The following SEC24C variants were observed in gnomAD, a reference collection of about 807,000 sequenced individuals.
The protein encoded by SEC24C is SEC24 homolog C, COPII component.
Under a neutral mutation model 117.0 loss-of-function variants are expected in SEC24C, and 22 were observed. The ratio of observed to expected loss-of-function variants is 0.19; its 90% CI spans 0.13 to 0.27. SEC24C has a LOEUF of 0.27. SEC24C is among the 10% of genes least tolerant of loss of function. SEC24C has a pLI of 1.00. For synonymous variants in SEC24C, 506 were observed against 529.4 expected (o/e 0.96, Z 0.61); for missense variants, 1,155 against 1,375.1 (o/e 0.84, Z 2.53).
Position 73,767,122 on chromosome 10 carries a change from A to ACTGAAGAACAGAGATGACAGGAAG in SEC24C, c.1967_1990dup (p.Lys656_Leu663dup). 6.2e-7 allele frequency: 1 copy of ACTGAAGAACAGAGATGACAGGAAG among 1,614,064 alleles called. No homozygotes were observed. The highest frequency in any genetic ancestry group is 8.5e-7 in the Non-Finnish European group (1 of 1,179,974). Reference sequence around the variant, plus strand: ...TGCCCATTGCAGAGGCCCCAGGGAAACTGAAGAACAGAGATGACAGGAAGC... The same window carrying ACTGAAGAACAGAGATGACAGGAAG: ...TGCCCATTGCAGAGGCCCCAGGGAAACTGAAGAACAGAGATGACAGGAAGCTGAAGAACAGAGATGACAGGAAGC... On this transcript the variant is annotated inframe_insertion, in exon 14 of 23. Transcript: ENST00000345254.
Position 73,770,394 on chromosome 10 carries a change from G to C in SEC24C, c.2977G>C (p.Val993Leu), listed in dbSNP as rs762019151. The C allele has an allele frequency of 6.2e-7, 1 of 1,614,020 alleles. No homozygotes were observed. The highest frequency in any genetic ancestry group is 8.5e-7 in the Non-Finnish European group (1 of 1,179,982). ...GAATGGGCTCAACCTCTTCCTCTGGGTGGGAGCAAGCGTCCAACAGGGTGT... is the reference window on the plus strand; with the variant it reads ...GAATGGGCTCAACCTCTTCCTCTGGCTGGGAGCAAGCGTCCAACAGGGTGT... ...LENGLNLFLW[V>L]GASVQQGVVQ... Residue 993 changes from valine to leucine, a missense_variant, in exon 21 of 23, where the codon GTG (valine) becomes CTG (leucine). Val to Leu is a conservative substitution (Grantham distance 32, BLOSUM62 1). Around this residue, in one of 2 missense-constraint regions of SEC24C, gnomAD observed 759 missense variants for 992.3 expected, o/e 0.76. Transcript: ENST00000345254.
rs1275103867 is a variant in SEC24C at position 73,769,984 on chromosome 10, A to G, written c.2831A>G (p.Asn944Ser). 2 of 1,614,136 alleles carry G rather than the reference A, an allele frequency of 1.2e-6. No individual in the cohort carries two copies. The highest frequency in any genetic ancestry group is 1.7e-6 in the Non-Finnish European group (2 of 1,180,028). ...LVTSMDVTETNVFFYPRLLPL... is the reference protein window; with the variant it reads ...LVTSMDVTETSVFFYPRLLPL... The stretch of plus-strand genomic sequence containing the variant: ...ACCTCCATGGATGTGACTGAGACCA[A>G]TGTCTTCTTCTACCCTCGGCTCTTA... Residue 944 changes from asparagine (N) to serine (S), a missense_variant, in exon 20 of 23, where the codon AAT becomes AGT. Physicochemically the swap from Asn to Ser is conservative, Grantham distance 46 (BLOSUM62 1). This residue lies in a region of SEC24C where 759 missense variants were observed against 992.3 expected (regional missense o/e 0.76). Transcript: ENST00000345254. This position sits in a 1 kb window ranked among gnomAD's most constrained non-coding sequence, Gnocchi z 4.5.
chr10:73,757,791 G>T (rs1052726328), intron 3 of SEC24C, among the ~76,000 whole-genome samples: 1 of 151,286 alleles, frequency 6.6e-6, no homozygotes, highest in Non-Finnish European at 1.5e-5. Context: ...GTGTGCCTGT[G>T]GTCTCAGATA....
chr10:73,757,720 G>T (rs781520856), intron 3 of SEC24C, among the ~76,000 whole-genome samples: 12 of 68,172 alleles, frequency 1.8e-4, no homozygotes, highest in Non-Finnish European at 3.9e-4. Context: ...AGACTATCCT[G>T]GGCAGCATAG....
At position 73,766,332 on chromosome 10, in the gene SEC24C, C is replaced by A. The variant is rs1018755544; in HGVS notation, c.1608-18C>A. 1 of 1,590,372 alleles carries A rather than the reference C, an allele frequency of 6.3e-7. No individual in the cohort carries two copies. The highest frequency in any genetic ancestry group is 8.6e-7 in the Non-Finnish European group (1 of 1,165,996). On this transcript the variant is annotated intron_variant, in intron 11 of 22. Transcript: ENST00000345254. ...TGGAAAAGGTGGCAAGTCTAGGTAA[C>A]AATGTCACCTTCTACAGGGAGGGTG...
At chr10:73,748,192 G>A (rs1372492488) in intron 2 of SEC24C, among the ~76,000 whole-genome samples, 2 of 151,016 alleles carry the variant, frequency 1.3e-5, no homozygotes, top group East Asian at 2.0e-4. Context: ...CTGGAGTGCA[G>A]TGGCACAATC....
At chr10:73,750,450 A>C (rs1340861253) in intron 2 of SEC24C, among the ~76,000 whole-genome samples, 1 of 152,314 alleles carries the variant, frequency 6.6e-6, no homozygotes, top group Non-Finnish European at 1.5e-5. Context: ...GGAAGGATGG[A>C]GTACAGCTTT....
intron 9 of SEC24C, 65 bp downstream of exon 9, chr10:73,765,654 A>T: frequency 1.3e-6 from 2 of 1,593,028 alleles, no homozygotes; most frequent in Non-Finnish European, 1.7e-6. Context: ...TCTCTATTAA[A>T]TAGTTAGAGA....
chr10:73,763,195 G>A (rs1167697665), intron 6 of SEC24C, among the ~76,000 whole-genome samples: 1 of 152,096 alleles, frequency 6.6e-6, no homozygotes, highest in Non-Finnish European at 1.5e-5. Flanking sequence ...GGAATGGGAG[G>A]AATGAGAGGG....
rs2082511187 is a variant in SEC24C, at chr10:73,744,416, T to C, written c.-50T>C. On this transcript the variant is annotated 5_prime_UTR_variant, in exon 1 of 23. Transcript: ENST00000345254. ...GGGAGCCTTGACGTTAGGAACGAAG[T>C]CTAACCTGGATCTGGAGCCGGGTGA... 1 of 152,748 alleles carries C rather than the reference T, an allele frequency of 6.5e-6. No homozygotes were observed. The highest frequency in any genetic ancestry group is 2.4e-5 in the African/African-American group (1 of 41,406). 9.5% of individuals were successfully genotyped at this position (152,748 alleles called of 1,614,324 possible).
At chr10:73,755,335 T>A (rs1453937871) in intron 3 of SEC24C, among the ~76,000 whole-genome samples, 1 of 152,070 alleles carries the variant, frequency 6.6e-6, no homozygotes, top group African/African-American at 2.4e-5. Flanking sequence ...GCGTCATTGG[T>A]AAAGGCAGTT....
intron 2 of SEC24C, among the ~76,000 whole-genome samples, chr10:73,749,415 C>T (rs1256743255): frequency 1.3e-5 from 2 of 152,128 alleles, no homozygotes; most frequent in African/African-American, 4.8e-5. Flanking sequence ...TGATATCCAT[C>T]CTTTTCCTTT....
Position 73,771,203 on chromosome 10 carries a change from T to G in SEC24C, c.*108T>G. On this transcript the variant is annotated 3_prime_UTR_variant, in exon 23 of 23. Transcript: ENST00000345254. Reference sequence around the variant, plus strand: ...TCTTATGTAAGCTGACCTCAGTCTCTCTGGGGGGAGGGGGAGATATAAGGA... The same window carrying G: ...TCTTATGTAAGCTGACCTCAGTCTCGCTGGGGGGAGGGGGAGATATAAGGA... The G allele has an allele frequency of 7.6e-7, 1 of 1,323,754 alleles. No homozygotes were observed. Among genetic ancestry groups the G allele is most frequent in the Non-Finnish European group, 1.0e-6 (1 of 958,110 alleles). 82.0% of individuals were successfully genotyped at this position (1,323,754 alleles called of 1,614,324 possible).
chr10:73,761,490 G>T (rs2082795604), intron 6 of SEC24C, among the ~76,000 whole-genome samples: 1 of 152,142 alleles, frequency 6.6e-6, no homozygotes, highest in African/African-American at 2.4e-5. Flanking sequence ...TCAGAATAGA[G>T]ACTAGGACTG....
At chr10:73,757,355 C>T (rs1443399003) in intron 3 of SEC24C, among the ~76,000 whole-genome samples, 5 of 136,318 alleles carry the variant, frequency 3.7e-5, no homozygotes, top group Non-Finnish European at 6.4e-5. Context: ...GAGATCCTGT[C>T]GCTATAAAAA....
At chr10:73,765,722 T>A in intron 9 of SEC24C, 78 bp from the exon 10 acceptor site, 1 of 1,550,458 alleles carries the variant, frequency 6.4e-7, no homozygotes, top group Non-Finnish European at 8.9e-7. Flanking sequence ...TGAGGGATAG[T>A]GGTGTGAGCT....
intron 6 of SEC24C, chr10:73,762,250 TCTA>T: frequency 1.1e-6 from 1 of 899,662 alleles, no homozygotes; most frequent in Non-Finnish European, 1.6e-6. Flanking sequence ...CTTCACCTCA[TCTA>T]CCATGTCCAT....
At position 73,763,971 on chromosome 10, in the gene SEC24C, G is replaced by T. The variant is rs777721674; in HGVS notation, c.1215G>T (p.Leu405=). ...LAAVIKPLAR[L]PPEEASPYVV... is the part of the protein sequence containing the mutation. The stretch of plus-strand genomic sequence containing the variant: ...CAGTCATCAAACCGCTGGCAAGGCT[G>T]CCCCCAGAGGAGGTGAGTCAGGGAA... The change falls in exon 8 of 23, where the codon CTG becomes CTT. Residue 405 remains leucine (L), a synonymous_variant. Coordinates refer to ENST00000345254, the MANE Select transcript of SEC24C (RefSeq NM_198597.3). The T allele has an allele frequency of 1.3e-6, 2 of 1,590,078 alleles. No homozygotes were observed. The highest frequency in any genetic ancestry group is 3.5e-5 in the Admixed American group (2 of 56,610).
rs529408101 is a variant in SEC24C at position 73,750,013 on chromosome 10, G to T, written c.173-1095G>T. The stretch of plus-strand genomic sequence containing the variant: ...AAAAGAAGGCATCAAGGAGGTACTG[G>T]TAAGATTTGGGAAATAATGAAGTAT... On this transcript the variant is annotated intron_variant, in intron 2 of 22. Coordinates refer to ENST00000345254, the MANE Select transcript of SEC24C (RefSeq NM_198597.3). Among the ~76,000 whole-genome samples, 20 of 152,340 alleles carry T rather than the reference G, an allele frequency of 1.3e-4. No homozygotes were observed. The East Asian group carries it at 3.9e-3, about 29-fold the overall frequency.
Sources: gnomAD v4.1 joint callset for allele counts (sites outside exome capture counted in the v4.1 genomes callset) on GRCh38, gnomAD v4.1.1 for gene constraint, gnomAD v4.1.1 regional missense constraint, Gnocchi (gnomAD v3.1) non-coding constraint, MANE v1.5 for transcripts, NCBI Gene and HGNC (gene_info 2026-07-23, HGNC 2026-07-21) for gene names.